KCNJ16: variants seen among roughly 807,000 people sequenced by gnomAD.
The protein encoded by KCNJ16 is inward rectifier potassium channel 16.
Under a neutral mutation model 18.5 loss-of-function variants are expected in KCNJ16, and 15 were observed. The observed-to-expected ratio is 0.81, with a 90% CI of 0.54 to 1.25. The LOEUF (loss-of-function observed/expected upper bound fraction) is 1.25, where lower values mean the gene tolerates loss of function less well. KCNJ16 is among the 50% of genes most tolerant of loss of function. KCNJ16 has a pLI of 0.00. For synonymous variants in KCNJ16, 174 were observed against 186.5 expected, an observed-to-expected ratio of 0.93 and a Z score of 0.55; for missense variants, 523 against 525.7, an observed-to-expected ratio of 0.99 and a Z score of 0.05.
chr17:70,078,580 T>C (rs1315280259), intron 1 of KCNJ16, among the ~76,000 whole-genome samples: 1 of 152,184 alleles, frequency 6.6e-6, no homozygotes, highest in Non-Finnish European at 1.5e-5. Flanking sequence ...AACACTCTTG[T>C]TTTGGTAAAT....
chr17:70,131,327 T>A, intron 3 of KCNJ16: 1 of 1,096,220 alleles, frequency 9.1e-7, no homozygotes, highest in Non-Finnish European at 1.1e-6. Flanking sequence ...TTAAGAAAGA[T>A]GCATTTTTTT....
At chr17:70,088,868 A>T (rs1029269742) in intron 1 of KCNJ16, among the ~76,000 whole-genome samples, 1 of 152,156 alleles carries the variant, frequency 6.6e-6, no homozygotes, top group Non-Finnish European at 1.5e-5. Context: ...GGCTTGAATG[A>T]CTTAAAATAT....
At chr17:70,107,519 T>C (rs958592798) in intron 2 of KCNJ16, among the ~76,000 whole-genome samples, 1 of 152,120 alleles carries the variant, frequency 6.6e-6, no homozygotes, top group African/African-American at 2.4e-5. Flanking sequence ...CTTGATCCAG[T>C]CTGAGTGTTT....
Position 70,114,647 on chromosome 17 carries a change from T to C in KCNJ16, c.-191+13881T>C, listed in dbSNP as rs1318569596. 2.0e-5 allele frequency among the ~76,000 whole-genome samples: 3 copies of C among 152,238 alleles called. No individual in the cohort carries two copies. In the East Asian group the frequency reaches 5.8e-4, roughly 29 times the overall value. ...ACAAAATGACTTCTATTCTTAGCAA[T>C]ACTTGTAGTTCCTCTGGGCAGTTCT... On this transcript the variant is annotated intron_variant, in intron 2 of 3. Transcript: ENST00000392671.
chr17:70,096,930 C>T (rs964765231), intron 1 of KCNJ16: 28 of 398,270 alleles, frequency 7.0e-5, no homozygotes, highest in Non-Finnish European at 9.3e-5. Context: ...CAGAAAGGTA[C>T]GTGACACAGC....
At chr17:70,099,538 C>T (rs1002745871) in intron 1 of KCNJ16, among the ~76,000 whole-genome samples, 3 of 151,904 alleles carry the variant, frequency 2.0e-5, no homozygotes, top group Non-Finnish European at 4.4e-5. Flanking sequence ...TCTTAGTCCA[C>T]GAAAACAGTC....
Position 70,132,754 on chromosome 17 carries a change from T to C in KCNJ16, c.667T>C (p.Tyr223His). The C allele has an allele frequency of 1.2e-6, 2 of 1,613,984 alleles. No homozygotes were observed. Among genetic ancestry groups the C allele is most frequent in the Non-Finnish European group, 1.7e-6 (2 of 1,180,026 alleles). Reference sequence around the variant, plus strand: ...AACAGTTAGAGCCCAACTTCTCCGCTATACAGAAGACAGTGAAGGGAGGAT... The same window carrying C: ...AACAGTTAGAGCCCAACTTCTCCGCCATACAGAAGACAGTGAAGGGAGGAT... Reference protein sequence around the residue: ...EGTVRAQLLRYTEDSEGRMTM... With the variant: ...EGTVRAQLLRHTEDSEGRMTM... The change falls in exon 4 of 4, where the codon TAT becomes CAT. Residue 223 changes from tyrosine (Y) to histidine (H), a missense_variant. Physicochemically the swap from Tyr to His is moderately conservative, Grantham distance 83. Transcript: ENST00000392671.
chr17:70,084,114 G>T (rs1335775114), intron 1 of KCNJ16, among the ~76,000 whole-genome samples: 6 of 151,970 alleles, frequency 3.9e-5, no homozygotes, highest in Non-Finnish European at 8.8e-5. Context: ...ACCTGCGTGG[G>T]TCGCCTGAGC....
At position 70,134,123 on chromosome 17, in the gene KCNJ16, T is replaced by C. The variant is rs2074153879; in HGVS notation, c.*779T>C. 6.0e-6 allele frequency: 1 copy of C among 167,128 alleles called. No homozygotes were observed. Among genetic ancestry groups the C allele is most frequent in the Non-Finnish European group, 1.5e-5 (1 of 68,144 alleles). 10.4% of individuals were successfully genotyped at this position (167,128 alleles called of 1,614,324 possible). On this transcript the variant is annotated 3_prime_UTR_variant, in exon 4 of 4. Coordinates refer to ENST00000392671, the MANE Select transcript of KCNJ16 (RefSeq NM_170741.4). ...TTGCTAGGTTCTCTGAGGAGGGGAC[T>C]TTCTATGTTCACGTCCCACCTTCTT... is the stretch of plus-strand genomic sequence containing the variant.
chr17:70,117,121 A>T (rs1555594432), intron 2 of KCNJ16, among the ~76,000 whole-genome samples: 1 of 152,252 alleles, frequency 6.6e-6, no homozygotes, highest in Non-Finnish European at 1.5e-5. Context: ...CTACACAGCC[A>T]TAAAAAAGAA....
chr17:70,126,390 C>G (rs1227695611), intron 2 of KCNJ16, among the ~76,000 whole-genome samples: 3 of 152,152 alleles, frequency 2.0e-5, no homozygotes, highest in Non-Finnish European at 4.4e-5. Flanking sequence ...AGCTCCTACT[C>G]CAAGATGGAG....
chr17:70,131,756 A>T (rs2074064557), intron 3 of KCNJ16, among the ~76,000 whole-genome samples: 1 of 152,172 alleles, frequency 6.6e-6, no homozygotes, highest in African/African-American at 2.4e-5. Flanking sequence ...TGGGATAATC[A>T]CAGTGTTTAC....
intron 1 of KCNJ16, among the ~76,000 whole-genome samples, chr17:70,081,168 C>T (rs1255211741): frequency 6.6e-6 from 1 of 152,096 alleles, no homozygotes; most frequent in Non-Finnish European, 1.5e-5. Context: ...ATCAAGAATG[C>T]TCTTTATTTT....
At chr17:70,131,542 CTCTT>C in intron 3 of KCNJ16, 1 of 855,410 alleles carries the variant, frequency 1.2e-6, no homozygotes, top group Non-Finnish European at 1.4e-6. Flanking sequence ...AAAGTAGAAA[CTCTT>C]TATTGCATCC....
intron 1 of KCNJ16, among the ~76,000 whole-genome samples, chr17:70,099,349 G>C (rs1021067227): frequency 4.6e-5 from 7 of 152,110 alleles, no homozygotes; most frequent in East Asian, 1.9e-4. Flanking sequence ...TGAAGAACAG[G>C]CTCCTGGAAG....
chr17:70,078,888 T>C (rs1055535473), intron 1 of KCNJ16, among the ~76,000 whole-genome samples: 14 of 152,190 alleles, frequency 9.2e-5, no homozygotes, highest in Non-Finnish European at 1.9e-4. Context: ...CGTGTGCTTG[T>C]GGAATTCAGA....
In KCNJ16 at chr17:70,130,715, A is replaced by G. The variant is rs150524296; in HGVS notation, c.-190-164A>G. On this transcript the variant is annotated intron_variant, in intron 2 of 3. Coordinates refer to ENST00000392671, the MANE Select transcript of KCNJ16 (RefSeq NM_170741.4). ...TTTATGTCAGGAATAGTATTTATTC[A>G]TACTGCATTTTCTATGTAATAGAGA... 0.011 allele frequency among the ~76,000 whole-genome samples: 1,618 copies of G among 152,332 alleles called. 7 individuals are homozygous for G. Among genetic ancestry groups the G allele is most frequent in the Middle Eastern group, 0.027 (8 of 294 alleles).
At chr17:70,076,032 G>A (rs940445519) in intron 1 of KCNJ16, among the ~76,000 whole-genome samples, 1 of 151,628 alleles carries the variant, frequency 6.6e-6, no homozygotes, top group African/African-American at 2.4e-5. Flanking sequence ...TCAGAAAAGT[G>A]TGAGCTTGTA....
chr17:70,087,227 G>A (rs899828656), intron 1 of KCNJ16, among the ~76,000 whole-genome samples: 3 of 152,126 alleles, frequency 2.0e-5, no homozygotes, highest in African/African-American at 7.2e-5. Context: ...GTGAGAGGAA[G>A]TGGTAGTAGA....
Sources: gnomAD v4.1 joint callset for allele counts (sites outside exome capture counted in the v4.1 genomes callset) on GRCh38, gnomAD v4.1.1 for gene constraint, MANE v1.5 for transcripts, NCBI Gene and HGNC (gene_info 2026-07-23, HGNC 2026-07-21) for gene names.